CNIH3: variants seen among roughly 807,000 people sequenced by gnomAD.
The protein encoded by CNIH3 is cornichon family AMPA receptor auxiliary protein 3, also known as protein cornichon homolog 3.
In CNIH3, 14 loss-of-function variants were observed where a neutral mutation model predicts 24.1. The ratio of observed to expected loss-of-function variants is 0.58; its 90% CI spans 0.38 to 0.91. CNIH3 has a LOEUF of 0.91. Among genes scored for constraint, CNIH3 ranks in the 40% least tolerant of loss-of-function variants. The pLI is 0.00. For synonymous variants in CNIH3, 68 were observed against 73.8 expected, an observed-to-expected ratio of 0.92 and a Z score of 0.40; for missense variants, 178 against 196.8, an observed-to-expected ratio of 0.90 and a Z score of 0.57.
chr1:224,452,781 CAAAAAA>C (rs1173499027), intron 1 of CNIH3, among the ~76,000 whole-genome samples: 1 of 44,304 alleles, frequency 2.3e-5, no homozygotes, highest in Non-Finnish European at 4.1e-5. Flanking sequence ...AACTCTGTCT[CAAAAAA>C]AAAAAAAAAA....
intron 3 of CNIH3, among the ~76,000 whole-genome samples, chr1:224,708,279 G>T (rs747513372): frequency 2.6e-5 from 4 of 151,874 alleles, no homozygotes; most frequent in African/African-American, 7.3e-5. Flanking sequence ...TCATGATTCA[G>T]TCCCCCTCTG....
At chr1:224,596,003 G>A (rs1681963110) in intron 3 of CNIH3, among the ~76,000 whole-genome samples, 1 of 152,224 alleles carries the variant, frequency 6.6e-6, no homozygotes, top group South Asian at 2.1e-4. Context: ...AGCCACAAGT[G>A]CTGATGGAGA....
chr1:224,539,257 G>A (rs955306142), downstream of CNIH3, among the ~76,000 whole-genome samples: 8 of 152,120 alleles, frequency 5.3e-5, no homozygotes, highest in Admixed American at 1.3e-4. Context: ...AGCCTCAGTC[G>A]TCTTCCATTT....
upstream of CNIH3, among the ~76,000 whole-genome samples, chr1:224,514,143 A>C (rs1454390956): frequency 6.6e-6 from 1 of 152,220 alleles, no homozygotes; most frequent in Non-Finnish European, 1.5e-5. Flanking sequence ...CACTTCATTC[A>C]TCTTCTTTTG....
chr1:224,437,526 T>C (rs1410116060), intron 1 of CNIH3, among the ~76,000 whole-genome samples: 3 of 152,198 alleles, frequency 2.0e-5, no homozygotes, highest in Non-Finnish European at 4.4e-5. Context: ...TCCCAACTAA[T>C]GTATAAATTC....
chr1:224,693,715 C>T (rs1687038428), intron 3 of CNIH3, among the ~76,000 whole-genome samples: 1 of 152,228 alleles, frequency 6.6e-6, no homozygotes, highest in Non-Finnish European at 1.5e-5. Context: ...ATTCTTCAGT[C>T]AGACCTTGCT....
At chr1:224,574,198 G>C (rs1680938577) in intron 4 of CNIH3, among the ~76,000 whole-genome samples, 1 of 152,068 alleles carries the variant, frequency 6.6e-6, no homozygotes, top group Non-Finnish European at 1.5e-5. Flanking sequence ...GGGTCCCTAT[G>C]GCCATAATAA....
At chr1:224,733,619 C>T (rs6426155) in intron 4 of CNIH3, among the ~76,000 whole-genome samples, 111,711 of 152,186 alleles carry the variant, frequency 0.73, 41,124 homozygotes, top group African/African-American at 0.74. Flanking sequence ...ATTAATCTCC[C>T]GGTCGGAGCC....
At chr1:224,573,755 G>A (rs1029323114) in intron 4 of CNIH3, among the ~76,000 whole-genome samples, 4 of 152,116 alleles carry the variant, frequency 2.6e-5, no homozygotes, top group Non-Finnish European at 5.9e-5. Flanking sequence ...GAAGGGAGTA[G>A]TCTCCCTACC....
intron 3 of CNIH3, among the ~76,000 whole-genome samples, chr1:224,716,331 A>C (rs923382015): frequency 1.3e-5 from 2 of 152,184 alleles, no homozygotes; most frequent in African/African-American, 2.4e-5. Flanking sequence ...CTTCATAAAA[A>C]CATGTGTTTT....
intron 5 of CNIH3, among the ~76,000 whole-genome samples, chr1:224,735,230 A>G (rs1371255397): frequency 2.0e-5 from 3 of 152,204 alleles, no homozygotes; most frequent in Non-Finnish European, 2.9e-5. Context: ...AGTTTTCCCA[A>G]TATTACATAA....
At chr1:224,546,887 A>G (rs947342244) in exon 3 of CNIH3, 1 of 985,256 alleles carries the variant, frequency 1.0e-6, no homozygotes, top group African/African-American at 1.7e-5. Flanking sequence ...GACATGGGAC[A>G]CAGCAGGTGC....
At chr1:224,713,185 G>T (rs1306675851) in intron 3 of CNIH3, among the ~76,000 whole-genome samples, 1 of 152,360 alleles carries the variant, frequency 6.6e-6, no homozygotes, top group East Asian at 1.9e-4. Context: ...GAGACCCGTT[G>T]CAGTCCAATA....
chr1:224,615,529 G>C (rs897192950), upstream of CNIH3: 1 of 152,118 alleles, frequency 6.6e-6, no homozygotes, highest in Non-Finnish European at 1.5e-5. Context: ...GAAATGGCTT[G>C]ACTCTACTCT....
intron 3 of CNIH3, among the ~76,000 whole-genome samples, chr1:224,724,317 C>G (rs549518682): frequency 3.3e-5 from 5 of 152,192 alleles, no homozygotes; most frequent in African/African-American, 1.2e-4. Context: ...ACAGCAAGGC[C>G]TATGGGGCTG....
intron 4 of CNIH3, among the ~76,000 whole-genome samples, chr1:224,572,862 C>CTTG (rs1019245505): frequency 6.6e-6 from 1 of 151,956 alleles, no homozygotes; most frequent in Non-Finnish European, 1.5e-5. Context: ...AAGTTGGTTT[C>CTTG]TTGTTGTTGT....
intron 3 of CNIH3, among the ~76,000 whole-genome samples, chr1:224,605,627 A>T (rs2125045674): frequency 6.6e-6 from 1 of 152,228 alleles, no homozygotes; most frequent in South Asian, 2.1e-4. Context: ...AGAAACTAAG[A>T]TGGCCTTTTG....
At chr1:224,615,041 G>C (rs1188388959), upstream of CNIH3, among the ~76,000 whole-genome samples, 1 of 152,164 alleles carries the variant, frequency 6.6e-6, no homozygotes, top group Non-Finnish European at 1.5e-5. Context: ...CCCAGGATTA[G>C]GAGTCCGCAG....
At chr1:224,561,618 G>A (rs1248867560) in intron 3 of CNIH3, among the ~76,000 whole-genome samples, 2 of 152,180 alleles carry the variant, frequency 1.3e-5, no homozygotes, top group South Asian at 2.1e-4. Context: ...TCAGCCAAAC[G>A]AGACTTTCTT....
Sources: gnomAD v4.1 joint callset for allele counts (sites outside exome capture counted in the v4.1 genomes callset) on GRCh38, gnomAD v4.1.1 for gene constraint, MANE v1.5 for transcripts, NCBI Gene and HGNC (gene_info 2026-07-23, HGNC 2026-07-21) for gene names.